The following PDE3B variants were observed in gnomAD, a reference collection of about 807,000 sequenced individuals.
PDE3B encodes cGMP-inhibited 3',5'-cyclic phosphodiesterase 3B.
A neutral mutation model predicts 116.8 loss-of-function variants in PDE3B; 66 were observed. That is an observed-to-expected ratio of 0.56 (90% confidence interval 0.46 to 0.69). The LOEUF is 0.69. PDE3B is among the 30% of genes least tolerant of loss of function. PDE3B has a pLI of 0.00. For missense variants in PDE3B, 1,384 were observed against 1,368.1 expected (o/e 1.01, Z -0.18); for synonymous variants, 595 against 533.6 (o/e 1.12, Z -1.59).
intron 11 of PDE3B, among the ~76,000 whole-genome samples, chr11:14,838,094 T>G (rs1383557793): frequency 6.6e-6 from 1 of 152,122 alleles, no homozygotes; most frequent in African/African-American, 2.4e-5. Flanking sequence ...TTCTCCTGCC[T>G]CAGCCTCCCG....
intron 1 of PDE3B, among the ~76,000 whole-genome samples, chr11:14,729,904 T>C (rs1856408913): frequency 6.6e-6 from 1 of 152,156 alleles, no homozygotes; most frequent in African/African-American, 2.4e-5. Context: ...ACTCTGGATA[T>C]TTTAAGAACT....
At chr11:14,844,546 G>A (rs1014035882) in intron 12 of PDE3B, among the ~76,000 whole-genome samples, 27 of 152,210 alleles carry the variant, frequency 1.8e-4, no homozygotes, top group Admixed American at 1.0e-3. Context: ...TGCCTCACTC[G>A]GGAAGCACAA....
At chr11:14,666,367 G>A (rs940081060) in intron 1 of PDE3B, among the ~76,000 whole-genome samples, 1 of 151,702 alleles carries the variant, frequency 6.6e-6, no homozygotes, top group Non-Finnish European at 1.5e-5. Flanking sequence ...CAGGACATAG[G>A]CATGGGCAAG....
At chr11:14,824,015 G>A (rs1859606722) in intron 7 of PDE3B, among the ~76,000 whole-genome samples, 1 of 152,166 alleles carries the variant, frequency 6.6e-6, no homozygotes, top group South Asian at 2.1e-4. Context: ...GTGGGGACCA[G>A]GGGCTAGCTA....
At chr11:14,657,672 A>G (rs947854140) in intron 1 of PDE3B, among the ~76,000 whole-genome samples, 9 of 152,224 alleles carry the variant, frequency 5.9e-5, no homozygotes, top group Admixed American at 2.0e-4. Context: ...CTTCAGCAGC[A>G]TTACTGGGCA....
intron 4 of PDE3B, among the ~76,000 whole-genome samples, chr11:14,793,423 A>T (rs1470968465): frequency 1.3e-5 from 2 of 152,174 alleles, no homozygotes; most frequent in African/African-American, 4.8e-5. Flanking sequence ...ACTATATTTT[A>T]ACTGTGACCC....
At chr11:14,777,838 G>A (rs1288144062) in intron 2 of PDE3B, among the ~76,000 whole-genome samples, 2 of 152,148 alleles carry the variant, frequency 1.3e-5, no homozygotes, top group Non-Finnish European at 2.9e-5. Flanking sequence ...TGGACTGTGA[G>A]CCAAAGCAGG....
intron 1 of PDE3B, among the ~76,000 whole-genome samples, chr11:14,659,654 C>T (rs1194302156): frequency 6.6e-6 from 1 of 152,206 alleles, no homozygotes; most frequent in Non-Finnish European, 1.5e-5. Flanking sequence ...CCTGTCCCTC[C>T]TCCCACTCCG....
In PDE3B at chr11:14,656,558, G is replaced by A. The variant is rs1448727016; in HGVS notation, c.978+11505G>A. On this transcript the variant is annotated intron_variant, in intron 1 of 15. Transcript: ENST00000282096. ...GAAGCTAGACTGCTTGAGTTTAAATGTCATCTCTACCACTTACAGAATGTT... is the reference window on the plus strand; with the variant it reads ...GAAGCTAGACTGCTTGAGTTTAAATATCATCTCTACCACTTACAGAATGTT... Among the ~76,000 whole-genome samples the A allele has an allele frequency of 2.6e-5, 4 of 152,124 alleles. 1 individual carries two copies. In the East Asian group the frequency reaches 7.7e-4, roughly 29 times the overall value.
chr11:14,839,244 A>G (rs118010666), intron 11 of PDE3B, among the ~76,000 whole-genome samples: 2,773 of 152,314 alleles, frequency 0.018, 36 homozygotes, highest in Non-Finnish European at 0.032. Flanking sequence ...CCCTTCATCA[A>G]TTCCTTGATC....
At chr11:14,677,669 C>T (rs1207032685) in intron 1 of PDE3B, among the ~76,000 whole-genome samples, 1 of 152,120 alleles carries the variant, frequency 6.6e-6, no homozygotes, top group Non-Finnish European at 1.5e-5. Context: ...CAGAAGTTCC[C>T]TTGTGCTTTC....
At chr11:14,833,314 G>A (rs940179854) in intron 10 of PDE3B, among the ~76,000 whole-genome samples, 4 of 152,078 alleles carry the variant, frequency 2.6e-5, no homozygotes, top group African/African-American at 9.7e-5. Flanking sequence ...AGATTTAACT[G>A]ACTACTGTTA....
At chr11:14,663,277 C>T (rs1854000130) in intron 1 of PDE3B, among the ~76,000 whole-genome samples, 1 of 152,096 alleles carries the variant, frequency 6.6e-6, no homozygotes, top group African/African-American at 2.4e-5. Context: ...TTGTCACCAC[C>T]AGGCCTGCCC....
At chr11:14,689,344 T>A (rs909440076) in intron 1 of PDE3B, among the ~76,000 whole-genome samples, 2 of 151,994 alleles carry the variant, frequency 1.3e-5, no homozygotes, top group African/African-American at 4.8e-5. Flanking sequence ...ACTAGGAGCT[T>A]GGAAAGAGAG....
chr11:14,747,668 G>A (rs1473128618), intron 1 of PDE3B, among the ~76,000 whole-genome samples: 3 of 152,160 alleles, frequency 2.0e-5, no homozygotes, highest in Non-Finnish European at 4.4e-5. Context: ...CAACCAAAAT[G>A]TAGTGGTGAT....
intron 1 of PDE3B, among the ~76,000 whole-genome samples, chr11:14,655,747 T>G (rs1300866263): frequency 6.6e-6 from 1 of 152,194 alleles, no homozygotes; most frequent in Non-Finnish European, 1.5e-5. Flanking sequence ...AAGACTTGAT[T>G]AAGTAGAGAC....
chr11:14,864,555 A>G (rs1393587899), intron 14 of PDE3B, among the ~76,000 whole-genome samples: 3 of 152,178 alleles, frequency 2.0e-5, no homozygotes, highest in Non-Finnish European at 4.4e-5. Context: ...ATTGGAAGTA[A>G]AACACTCCTC....
intron 2 of PDE3B, among the ~76,000 whole-genome samples, chr11:14,778,256 G>A (rs1383090422): frequency 6.6e-6 from 1 of 152,128 alleles, no homozygotes; most frequent in Non-Finnish European, 1.5e-5. Flanking sequence ...ATAGCTGAAC[G>A]AAAGGCAGCA....
intron 1 of PDE3B, among the ~76,000 whole-genome samples, chr11:14,722,501 C>A (rs1030299725): frequency 6.6e-6 from 1 of 152,024 alleles, no homozygotes; most frequent in Non-Finnish European, 1.5e-5. Context: ...AAATTTATTC[C>A]GTTTTGTAAG....
Sources: allele counts gnomAD v4.1 joint callset (sites outside exome capture counted in the v4.1 genomes callset), GRCh38; gene constraint gnomAD v4.1.1; transcripts MANE v1.5; gene names NCBI Gene and HGNC (gene_info 2026-07-23, HGNC 2026-07-21).